BLK: variants seen among roughly 807,000 people sequenced by gnomAD.
BLK encodes the protein tyrosine-protein kinase Blk.
Under a neutral mutation model 61.8 loss-of-function variants are expected in BLK, and 64 were observed. That is an observed-to-expected ratio of 1.03 (90% CI 0.85 to 1.27). BLK has a LOEUF of 1.27. BLK is among the 50% of genes most tolerant of loss of function. The pLI is 0.00. For missense variants in BLK, 853 were observed against 660.5 expected (o/e 1.29, Z -3.19); for synonymous variants, 351 against 272.0 (o/e 1.29, Z -2.86).
At chr8:11,519,818 T>C (rs1799370311) in intron 1 of BLK, among the ~76,000 whole-genome samples, 1 of 152,216 alleles carries the variant, frequency 6.6e-6, no homozygotes, top group African/African-American at 2.4e-5. Context: ...AACTCTACTG[T>C]ATGCTGATTT....
intron 10 of BLK, chr8:11,560,622 TGGCCCA>T (rs1052431724): frequency 2.9e-6 from 1 of 342,494 alleles, no homozygotes; most frequent in African/African-American, 2.1e-5. Context: ...CTGCTATCCC[TGGCCCA>T]GGCTGGTGAT....
At chr8:11,556,123 C>T (rs918617780) in intron 8 of BLK, 13 of 227,016 alleles carry the variant, frequency 5.7e-5, no homozygotes, top group African/African-American at 2.7e-4. Flanking sequence ...CCTGCCAAGG[C>T]CCATGTCCTC....
intron 4 of BLK, among the ~76,000 whole-genome samples, chr8:11,548,528 C>T (rs571864145): frequency 9.2e-5 from 14 of 152,328 alleles, no homozygotes; most frequent in African/African-American, 2.2e-4. Flanking sequence ...ACACCAATCC[C>T]GCTTTAGCTC....
intron 1 of BLK, among the ~76,000 whole-genome samples, chr8:11,500,124 G>A (rs908245990): frequency 3.3e-5 from 5 of 152,186 alleles, no homozygotes; most frequent in African/African-American, 1.2e-4. Flanking sequence ...CCAGCTGTGA[G>A]TCTATTACAG....
chr8:11,550,063 A>AT, intron 5 of BLK, 96 bp from the exon 6 acceptor site: 1 of 1,128,368 alleles, frequency 8.9e-7, no homozygotes, highest in Non-Finnish European at 1.3e-6. Context: ...CTAGATTTTT[A>AT]TTTCTTGGGG....
intron 1 of BLK, among the ~76,000 whole-genome samples, chr8:11,534,621 C>G (rs999169965): frequency 6.6e-6 from 1 of 152,216 alleles, no homozygotes; most frequent in African/African-American, 2.4e-5. Context: ...TCTTTTCTAT[C>G]AATTTTACCA....
chr8:11,504,371 GA>G (rs546256146), intron 1 of BLK, among the ~76,000 whole-genome samples: 721 of 16,840 alleles, frequency 0.043, 6 homozygotes, highest in Non-Finnish European at 0.075. Context: ...AAGGAAGAAA[GA>G]AAAGAAAAGA....
intron 1 of BLK, among the ~76,000 whole-genome samples, chr8:11,534,470 G>A (rs1585372820): frequency 6.6e-6 from 1 of 151,936 alleles, no homozygotes; most frequent in Non-Finnish European, 1.5e-5. Context: ...TGAATTTCAA[G>A]CTTCTCTGTT....
intron 1 of BLK, among the ~76,000 whole-genome samples, chr8:11,499,950 A>G (rs1798494896): frequency 6.6e-6 from 1 of 152,020 alleles, no homozygotes; most frequent in African/African-American, 2.4e-5. Context: ...AGCGGTCTCA[A>G]ATCTTTTCTG....
intron 11 of BLK, 78 bp from the exon 12 acceptor site, chr8:11,562,901 G>A (rs1269194559): frequency 3.8e-6 from 6 of 1,596,378 alleles, no homozygotes; most frequent in African/African-American, 2.7e-5. Context: ...AGGACAGCAG[G>A]AGCAGGGGTA....
intron 2 of BLK, among the ~76,000 whole-genome samples, chr8:11,543,717 G>T (rs1800493624): frequency 2.6e-5 from 4 of 152,188 alleles, no homozygotes; most frequent in Admixed American, 1.3e-4. Context: ...GCATTCCAAA[G>T]AGCCTGCTTT....
intron 7 of BLK, among the ~76,000 whole-genome samples, 177 bp from the exon 8 acceptor site, chr8:11,555,155 C>T (rs1488436712): frequency 6.6e-6 from 1 of 152,142 alleles, no homozygotes; most frequent in African/African-American, 2.4e-5. Context: ...GCATGCCCTG[C>T]TTTGCGCAAA....
At chr8:11,550,301 C>T (rs767696277) in intron 6 of BLK, 39 bp downstream of exon 6, 7 of 1,598,022 alleles carry the variant, frequency 4.4e-6, no homozygotes, top group African/African-American at 1.3e-5. Flanking sequence ...TTGCCCTGCT[C>T]CTCCCGGGAA....
At chr8:11,516,243 G>A (rs79818052) in intron 1 of BLK, among the ~76,000 whole-genome samples, 153 of 152,328 alleles carry the variant, frequency 1.0e-3, no homozygotes, top group African/African-American at 3.6e-3. Context: ...ACGGGGGTGC[G>A]AGAGCCTGAC....
At chr8:11,543,404 T>A in intron 2 of BLK, 57 bp downstream of exon 2, 1 of 1,601,564 alleles carries the variant, frequency 6.2e-7, no homozygotes, top group South Asian at 1.1e-5. Context: ...TATGCCTTAA[T>A]GTCCAAGTTT....
intron 1 of BLK, among the ~76,000 whole-genome samples, chr8:11,524,910 C>G (rs557301243): frequency 8.1e-6 from 1 of 123,130 alleles, no homozygotes; most frequent in Admixed American, 1.0e-4. Context: ...TCCCATTTTG[C>G]TTTTTTACAA....
chr8:11,516,835 A>G (rs1233761745), intron 1 of BLK, among the ~76,000 whole-genome samples: 1 of 152,234 alleles, frequency 6.6e-6, no homozygotes, highest in Admixed American at 6.5e-5. Flanking sequence ...CTGTCCATGG[A>G]CACTGGCTGC....
Position 11,497,452 on chromosome 8 carries a change from C to A in BLK, c.-2+2861C>A, listed in dbSNP as rs141598561. The stretch of plus-strand genomic sequence containing the variant: ...TCTCCTCCCAGTCACAGTGCCCAAG[C>A]CCATTTGTGTGTCCCCAGCAACCAC... On this transcript the variant is annotated intron_variant, in intron 1 of 12. Coordinates refer to ENST00000259089, the MANE Select transcript of BLK (RefSeq NM_001715.3). 3.7e-3 allele frequency among the ~76,000 whole-genome samples: 568 copies of A among 152,294 alleles called. 4 individuals carry two copies. The highest frequency in any genetic ancestry group is 0.013 in the African/African-American group (549 of 41,550).
At chr8:11,560,610 A>T (rs1801464245) in intron 10 of BLK, 1 of 338,432 alleles carries the variant, frequency 3.0e-6, no homozygotes, top group South Asian at 2.3e-5. Context: ...AAGTAGCACC[A>T]GCTGCTATCC....
Sources: allele counts gnomAD v4.1 joint callset (sites outside exome capture counted in the v4.1 genomes callset), GRCh38; gene constraint gnomAD v4.1.1; transcripts MANE v1.5; gene names NCBI Gene and HGNC (gene_info 2026-07-23, HGNC 2026-07-21).